Variants in PTTG1IP observed in about 807,000 individuals in gnomAD.
PTTG1IP encodes the protein pituitary tumor-transforming gene 1 protein-interacting protein.
Under a neutral mutation model 24.4 loss-of-function variants are expected in PTTG1IP, and 16 were observed. The observed-to-expected ratio is 0.66, with a 90% confidence interval of 0.44 to 1.00. The LOEUF (loss-of-function observed/expected upper bound fraction) is 1.00, where lower values mean the gene tolerates loss of function less well. Ranked by LOEUF, PTTG1IP falls within the 50% of genes least tolerant of loss-of-function variation. The pLI, the probability that PTTG1IP is intolerant of heterozygous loss-of-function variation, is 0.00. For missense variants in PTTG1IP, 241 were observed against 245.8 expected (o/e 0.98, Z 0.13); for synonymous variants, 89 against 96.8 (o/e 0.92, Z 0.47).
intron 3 of PTTG1IP, among the ~76,000 whole-genome samples, chr21:44,859,344 G>C (rs2083473113): frequency 6.6e-6 from 1 of 152,214 alleles, no homozygotes; most frequent in South Asian, 2.1e-4. Flanking sequence ...GCTGTGAGTG[G>C]TGATAACCTG....
At chr21:44,853,020 A>C (rs1205553755) in intron 5 of PTTG1IP, among the ~76,000 whole-genome samples, 1 of 152,198 alleles carries the variant, frequency 6.6e-6, no homozygotes, top group Non-Finnish European at 1.5e-5. Context: ...CAAGTCAATC[A>C]GGGCCCTGAC....
chr21:44,864,666 G>C (rs1272054635), intron 2 of PTTG1IP, among the ~76,000 whole-genome samples: 3 of 152,192 alleles, frequency 2.0e-5, no homozygotes, highest in Non-Finnish European at 4.4e-5. Flanking sequence ...CAAAGTGCTG[G>C]GATTACAGGC....
At chr21:44,865,536 G>A (rs1033088014) in intron 1 of PTTG1IP, 89 bp from the exon 2 acceptor site, 1 of 1,342,452 alleles carries the variant, frequency 7.4e-7, no homozygotes, top group African/African-American at 1.4e-5. Flanking sequence ...CACCAGTGAG[G>A]GGTGTGGCAC....
intron 1 of PTTG1IP, among the ~76,000 whole-genome samples, chr21:44,867,548 T>C (rs183987418): frequency 6.6e-6 from 1 of 152,182 alleles, no homozygotes; most frequent in African/African-American, 2.4e-5. Context: ...GTAAGAAAAA[T>C]GTATCTCAAA....
chr21:44,851,163 C>A lies in PTTG1IP; in HGVS notation c.*418G>T. ...ATGATGAGGGCTGGTCAGTTCTCCTCATGACAAAAGTCAAACCGACTTCCC... is the reference window on the plus strand; with the variant it reads ...ATGATGAGGGCTGGTCAGTTCTCCTAATGACAAAAGTCAAACCGACTTCCC... On this transcript the variant is annotated 3_prime_UTR_variant, in exon 6 of 6. Transcript: ENST00000330938. 1 of 641,012 alleles carries A rather than the reference C, an allele frequency of 1.6e-6. No individual in the cohort carries two copies. Among genetic ancestry groups the A allele is most frequent in the Admixed American group, 3.1e-5 (1 of 32,442 alleles). 39.7% of individuals were successfully genotyped at this position (641,012 alleles called of 1,614,324 possible).
chr21:44,872,701 T>C (rs1037639556), intron 1 of PTTG1IP, among the ~76,000 whole-genome samples: 12 of 152,248 alleles, frequency 7.9e-5, no homozygotes, highest in African/African-American at 2.9e-4. Context: ...TCTCCTGTCA[T>C]GCACTTTCCT....
intron 2 of PTTG1IP, chr21:44,862,033 C>T (rs73238097): frequency 0.073 from 43,340 of 593,554 alleles, 1,652 homozygotes; most frequent in East Asian, 0.085. Context: ...GCCCCTTGAA[C>T]GTCAGGTGTG....
intron 2 of PTTG1IP, among the ~76,000 whole-genome samples, chr21:44,863,105 G>C: frequency 2.0e-5 from 2 of 100,834 alleles, no homozygotes; most frequent in East Asian, 2.8e-4. Flanking sequence ...CACACAGCCC[G>C]CCACGGCCTC....
intron 1 of PTTG1IP, among the ~76,000 whole-genome samples, chr21:44,870,174 C>T (rs2083572867): frequency 6.6e-6 from 1 of 152,146 alleles, no homozygotes; most frequent in Non-Finnish European, 1.5e-5. Context: ...GTTTACAGTC[C>T]TCATGAAAAT....
At chr21:44,867,322 G>A (rs1216048726) in intron 1 of PTTG1IP, among the ~76,000 whole-genome samples, 1 of 152,062 alleles carries the variant, frequency 6.6e-6, no homozygotes, top group Non-Finnish European at 1.5e-5. Flanking sequence ...TCATGTGAGC[G>A]AAAGACGCCT....
intron 3 of PTTG1IP, among the ~76,000 whole-genome samples, chr21:44,859,063 C>T (rs1016143719): frequency 6.6e-6 from 1 of 152,262 alleles, no homozygotes; most frequent in African/African-American, 2.4e-5. Flanking sequence ...ACACCGCTCA[C>T]AGCAGCACCA....
chr21:44,859,885 T>C (rs1265765796), intron 3 of PTTG1IP, among the ~76,000 whole-genome samples: 1 of 152,206 alleles, frequency 6.6e-6, no homozygotes, highest in Non-Finnish European at 1.5e-5. Flanking sequence ...AAGTAAGACG[T>C]AAGTTGCAGA....
intron 2 of PTTG1IP, among the ~76,000 whole-genome samples, chr21:44,863,940 G>A (rs1180900511): frequency 2.0e-5 from 3 of 151,838 alleles, no homozygotes; most frequent in African/African-American, 4.8e-5. Context: ...AGAAATCATC[G>A]AATACATCTT....
At chr21:44,863,894 G>A (rs1371183361) in intron 2 of PTTG1IP, among the ~76,000 whole-genome samples, 3 of 152,252 alleles carry the variant, frequency 2.0e-5, no homozygotes, top group African/African-American at 4.8e-5. Context: ...CGTGGAGGAA[G>A]AAGAGTTTTT....
chr21:44,854,816 C>G (rs542567801), intron 5 of PTTG1IP, among the ~76,000 whole-genome samples: 1 of 152,290 alleles, frequency 6.6e-6, no homozygotes, highest in South Asian at 2.1e-4. Flanking sequence ...CTGCCACACT[C>G]AGAAGATGGC....
intron 3 of PTTG1IP, among the ~76,000 whole-genome samples, chr21:44,860,591 C>T (rs144522526): frequency 2.6e-5 from 4 of 152,128 alleles, no homozygotes; most frequent in Non-Finnish European, 4.4e-5. Flanking sequence ...AAGTCAAACA[C>T]GTTGCCTTCA....
chr21:44,868,841 T>C (rs1438876452), intron 1 of PTTG1IP, among the ~76,000 whole-genome samples: 1 of 152,122 alleles, frequency 6.6e-6, no homozygotes, highest in Non-Finnish European at 1.5e-5. Context: ...CCCCCGAAGA[T>C]GCCAAGACCA....
At chr21:44,858,787 T>C (rs1271263114) in intron 3 of PTTG1IP, among the ~76,000 whole-genome samples, 1 of 152,178 alleles carries the variant, frequency 6.6e-6, no homozygotes, top group Non-Finnish European at 1.5e-5. Flanking sequence ...CACGATCGGC[T>C]AGTCACTGCA....
Position 44,873,671 on chromosome 21 carries a change from A to G in PTTG1IP, c.-55T>C. On this transcript the variant is annotated 5_prime_UTR_variant, in exon 1 of 6. Coordinates refer to ENST00000330938, the MANE Select transcript of PTTG1IP (RefSeq NM_004339.4). ...AGCGTTACAACTCCGACTCCAGCAC[A>G]AGCGGTCTCCGCCCGGAACAGCCGC... 1.5e-6 allele frequency: 2 copies of G among 1,308,996 alleles called. No individual in the cohort carries two copies. The highest frequency in any genetic ancestry group is 1.5e-5 in the African/African-American group (1 of 65,028). The allele number at this position is 1,308,996 out of a possible 1,614,324, so 81.1% of individuals were successfully genotyped here.
Sources: allele counts gnomAD v4.1 joint callset (sites outside exome capture counted in the v4.1 genomes callset), GRCh38; gene constraint gnomAD v4.1.1; transcripts MANE v1.5; gene names NCBI Gene and HGNC (gene_info 2026-07-23, HGNC 2026-07-21).